The following KIRREL3 variants were observed in gnomAD, a reference collection of about 807,000 sequenced individuals.
KIRREL3 encodes the protein kirre like nephrin family adhesion molecule 3, also known as kin of IRRE-like protein 3.
KIRREL3 carries 36 observed loss-of-function variants against 89.7 expected under a neutral mutation model. The observed-to-expected ratio is 0.40, with a 90% CI of 0.31 to 0.53. The LOEUF is 0.53. KIRREL3 is among the 20% of genes least tolerant of loss of function. The pLI is 0.49. For missense variants in KIRREL3, 864 were observed against 1,056.6 expected, an observed-to-expected ratio of 0.82 and a Z score of 2.53; for synonymous variants, 445 against 441.4, an observed-to-expected ratio of 1.01 and a Z score of -0.10.
At chr11:126,942,013 T>A (rs1458050890) in intron 1 of KIRREL3, among the ~76,000 whole-genome samples, 1 of 152,206 alleles carries the variant, frequency 6.6e-6, no homozygotes, top group Non-Finnish European at 1.5e-5. Flanking sequence ...AACTGGCCTT[T>A]ACCAGCTCTG....
Position 126,755,235 on chromosome 11 carries a change from G to A in KIRREL3, c.56-192323C>T, listed in dbSNP as rs1017873099. Among the ~76,000 whole-genome samples, 3 of 152,164 alleles carry A rather than the reference G, an allele frequency of 2.0e-5. No homozygotes were observed. The highest frequency in any genetic ancestry group is 2.9e-5 in the Non-Finnish European group (2 of 68,042). ...GGGAAAAAAATGTATTCCCATCCGA[G>A]GCCCTTGCCTGCCCTCCTGTAGCCA... On this transcript the variant is annotated intron_variant, in intron 1 of 16. Coordinates refer to ENST00000525144, the MANE Select transcript of KIRREL3 (RefSeq NM_032531.4). This position sits in a 1 kb window ranked among gnomAD's most constrained non-coding sequence, Gnocchi z 4.3.
Position 126,807,490 on chromosome 11 carries a change from C to T in KIRREL3, c.55+192965G>A, listed in dbSNP as rs981020495. Among the ~76,000 whole-genome samples, 11 of 152,236 alleles carry T rather than the reference C, an allele frequency of 7.2e-5. No individual in the cohort carries two copies. Among genetic ancestry groups the T allele is most frequent in the Admixed American group, 2.6e-4 (4 of 15,298 alleles). On this transcript the variant is annotated intron_variant, in intron 1 of 16. Coordinates refer to ENST00000525144, the MANE Select transcript of KIRREL3 (RefSeq NM_032531.4). This position sits in a 1 kb window ranked among gnomAD's most constrained non-coding sequence, Gnocchi z 4.3. ...ACTATTCAAATTTAAAAATCTGTTT[C>T]AATATAAAAATATAAAAAGTCACCC...
At chr11:126,712,790 T>A (rs963510590) in intron 1 of KIRREL3, among the ~76,000 whole-genome samples, 2 of 152,222 alleles carry the variant, frequency 1.3e-5, no homozygotes, top group African/African-American at 4.8e-5. Context: ...GTTTTTGTCA[T>A]CCTCGTTCCT....
intron 1 of KIRREL3, among the ~76,000 whole-genome samples, chr11:126,730,042 C>T (rs1196512939): frequency 6.6e-6 from 1 of 152,178 alleles, no homozygotes; most frequent in Non-Finnish European, 1.5e-5. Context: ...TCTCAGTCCC[C>T]GTCCTGACTC....
chr11:126,625,091 T>C (rs560903684), intron 1 of KIRREL3, among the ~76,000 whole-genome samples: 1 of 152,326 alleles, frequency 6.6e-6, no homozygotes, highest in East Asian at 1.9e-4. Flanking sequence ...TACATATCCC[T>C]GATGATAATG....
In KIRREL3 at chr11:126,436,005, G is replaced by T. The variant is rs1591527804; in HGVS notation, c.1553-702C>A. ...CCGGCTTGCTGCTGGCTGTGGTGGGGCTTCTGGAGCCACCCCTCCGTGCCC... is the reference window on the plus strand; with the variant it reads ...CCGGCTTGCTGCTGGCTGTGGTGGGTCTTCTGGAGCCACCCCTCCGTGCCC... On this transcript the variant is annotated intron_variant, in intron 12 of 16. Coordinates refer to ENST00000525144, the MANE Select transcript of KIRREL3 (RefSeq NM_032531.4). 2.6e-5 allele frequency among the ~76,000 whole-genome samples: 4 copies of T among 152,332 alleles called. No individual in the cohort carries two copies. The East Asian group carries it at 7.7e-4, about 29-fold the overall frequency.
chr11:126,814,459 C>T lies in KIRREL3; in HGVS notation c.55+185996G>A, dbSNP rs928017637. ...TATAAATCATTGTATTATAAAGATACATGCACTACATATGTTCATTGCAGC... is the reference window on the plus strand; with the variant it reads ...TATAAATCATTGTATTATAAAGATATATGCACTACATATGTTCATTGCAGC... On this transcript the variant is annotated intron_variant, in intron 1 of 16. Transcript: ENST00000525144. This position sits in a 1 kb window ranked among gnomAD's most constrained non-coding sequence, Gnocchi z 4.4. Among the ~76,000 whole-genome samples, 6 of 152,186 alleles carry T rather than the reference C, an allele frequency of 3.9e-5. No homozygotes were observed. The highest frequency in any genetic ancestry group is 1.4e-4 in the African/African-American group (6 of 41,446).
rs984316745 is a variant in KIRREL3 at position 126,768,638 on chromosome 11, G to C, written c.56-205726C>G. ...TAGTCAGGATGGACTCTTGGAGGAT[G>C]TGACCTTTGGGCTAAGACCTGCACA... On this transcript the variant is annotated intron_variant, in intron 1 of 16. Transcript: ENST00000525144. This position sits in a 1 kb window ranked among gnomAD's most constrained non-coding sequence, Gnocchi z 4.5. Among the ~76,000 whole-genome samples the C allele has an allele frequency of 6.6e-6, 1 of 152,196 alleles. No individual in the cohort carries two copies. Among genetic ancestry groups the C allele is most frequent in the Non-Finnish European group, 1.5e-5 (1 of 68,036 alleles).
At position 126,902,165 on chromosome 11, in the gene KIRREL3, C is replaced by T. The variant is rs541734983; in HGVS notation, c.55+98290G>A. The stretch of plus-strand genomic sequence containing the variant: ...TGGTCTCATCATCCTGGAACATGCA[C>T]AGGGCTTTGGGGCTACTTGGCCTGA... On this transcript the variant is annotated intron_variant, in intron 1 of 16. Coordinates refer to ENST00000525144, the MANE Select transcript of KIRREL3 (RefSeq NM_032531.4). Among the ~76,000 whole-genome samples the T allele has an allele frequency of 2.2e-4, 34 of 152,272 alleles. No individual in the cohort carries two copies. The South Asian group carries it at 7.1e-3, about 32-fold the overall frequency.
At chr11:126,707,504 A>G (rs1039523499) in intron 1 of KIRREL3, among the ~76,000 whole-genome samples, 1 of 152,062 alleles carries the variant, frequency 6.6e-6, no homozygotes, top group Non-Finnish European at 1.5e-5. Context: ...GCCCAGGTAT[A>G]TATTTGGGCC....
chr11:126,609,647 G>A lies in KIRREL3; in HGVS notation c.56-46735C>T, dbSNP rs546702821. Among the ~76,000 whole-genome samples, 326 of 152,114 alleles carry A rather than the reference G, an allele frequency of 2.1e-3. 1 individual carries two copies. Among genetic ancestry groups the A allele is most frequent in the Non-Finnish European group, 2.5e-3 (167 of 68,024 alleles). ...ATAAAATCTAACTGGAACTGGGATC[G>A]TGTTCTGGGGGTTCCGAACTTTGGC... On this transcript the variant is annotated intron_variant, in intron 1 of 16. Coordinates refer to ENST00000525144, the MANE Select transcript of KIRREL3 (RefSeq NM_032531.4). This position sits in a 1 kb window ranked among gnomAD's most constrained non-coding sequence, Gnocchi z 5.0.
Position 126,485,171 on chromosome 11 carries a change from G to A in KIRREL3, c.434-11705C>T, listed in dbSNP as rs769602396. 1.3e-5 allele frequency among the ~76,000 whole-genome samples: 2 copies of A among 152,096 alleles called. No individual in the cohort carries two copies. The highest frequency in any genetic ancestry group is 2.9e-5 in the Non-Finnish European group (2 of 68,008). On this transcript the variant is annotated intron_variant, in intron 4 of 16. Coordinates refer to ENST00000525144, the MANE Select transcript of KIRREL3 (RefSeq NM_032531.4). The surrounding 1 kb of genome is among the most constrained non-coding windows in gnomAD (Gnocchi z 5.8). ...ATCCGATATATTTGGCAGCACAATC[G>A]CACAGACGTGTCTCCAAGGAGGTTG...
At position 126,946,556 on chromosome 11, in the gene KIRREL3, CATTT is replaced by C. The variant is rs1369774797; in HGVS notation, c.55+53895_55+53898del. 1.3e-5 allele frequency among the ~76,000 whole-genome samples: 2 copies of C among 152,190 alleles called. No individual in the cohort carries two copies. Among genetic ancestry groups the C allele is most frequent in the Non-Finnish European group, 2.9e-5 (2 of 68,030 alleles). Reference sequence around the variant, plus strand: ...CTAAAACTCTATACATTATTTGATTCATTTATTTAACATATCTTGAGAACATGTT... The same window carrying C: ...CTAAAACTCTATACATTATTTGATTCATTTAACATATCTTGAGAACATGTT... On this transcript the variant is annotated intron_variant, in intron 1 of 16. Transcript: ENST00000525144. This position sits in a 1 kb window ranked among gnomAD's most constrained non-coding sequence, Gnocchi z 4.1.
intron 1 of KIRREL3, among the ~76,000 whole-genome samples, chr11:126,911,374 G>C (rs2134907068): frequency 6.6e-6 from 1 of 152,332 alleles, no homozygotes; most frequent in African/African-American, 2.4e-5. Context: ...ACAGAGGGAA[G>C]CCGCCAGTGC....
intron 1 of KIRREL3, among the ~76,000 whole-genome samples, chr11:126,800,992 G>A (rs1382939624): frequency 1.3e-5 from 2 of 152,320 alleles, no homozygotes; most frequent in South Asian, 2.1e-4. Flanking sequence ...GGGGAACACT[G>A]CTTTAGCAGC....
Position 126,768,345 on chromosome 11 carries a change from C to T in KIRREL3, c.56-205433G>A, listed in dbSNP as rs1378028634. 6.6e-6 allele frequency among the ~76,000 whole-genome samples: 1 copy of T among 152,094 alleles called. No individual in the cohort carries two copies. Among genetic ancestry groups the T allele is most frequent in the East Asian group, 1.9e-4 (1 of 5,202 alleles). ...CATCCATACTGCATCCATCCATCCA[C>T]TTATCCCACAAATACTGAGTGCTCA... On this transcript the variant is annotated intron_variant, in intron 1 of 16. Coordinates refer to ENST00000525144, the MANE Select transcript of KIRREL3 (RefSeq NM_032531.4). The surrounding 1 kb of genome is among the most constrained non-coding windows in gnomAD (Gnocchi z 4.5).
At chr11:126,810,980 C>T (rs1023974187) in intron 1 of KIRREL3, among the ~76,000 whole-genome samples, 33 of 152,088 alleles carry the variant, frequency 2.2e-4, no homozygotes, top group Admixed American at 5.2e-4. Flanking sequence ...GGAGGTGGTA[C>T]GTTAATGAGC....
Position 126,795,478 on chromosome 11 carries a change from T to A in KIRREL3, c.55+204977A>T, listed in dbSNP as rs1034332633. Among the ~76,000 whole-genome samples the A allele has an allele frequency of 1.3e-5, 2 of 152,202 alleles. No homozygotes were observed. Among genetic ancestry groups the A allele is most frequent in the Admixed American group, 1.3e-4 (2 of 15,280 alleles). On this transcript the variant is annotated intron_variant, in intron 1 of 16. Transcript: ENST00000525144. The surrounding 1 kb of genome is among the most constrained non-coding windows in gnomAD (Gnocchi z 4.1). The stretch of plus-strand genomic sequence containing the variant: ...TCCGCTTCCCGGATTCAAGCGATTC[T>A]CCTGCCTCAGCCTCCTGAGCAGCTA...
At chr11:126,621,272 T>C (rs556390325) in intron 1 of KIRREL3, among the ~76,000 whole-genome samples, 3 of 152,162 alleles carry the variant, frequency 2.0e-5, no homozygotes, top group Non-Finnish European at 4.4e-5. Context: ...CTTTAATAGG[T>C]GATGAGAACT....
Sources: allele counts gnomAD v4.1 joint callset (sites outside exome capture counted in the v4.1 genomes callset), GRCh38; gene constraint gnomAD v4.1.1; non-coding constraint Gnocchi (gnomAD v3.1); transcripts MANE v1.5; gene names NCBI Gene and HGNC (gene_info 2026-07-23, HGNC 2026-07-21).